The following NRG1 variants were observed in gnomAD, a reference collection of about 807,000 sequenced individuals.
The protein encoded by NRG1 is neuregulin 1, also known as pro-neuregulin-1, membrane-bound isoform.
A neutral mutation model predicts 63.8 loss-of-function variants in NRG1; 18 were observed. The observed-to-expected ratio is 0.28, with a 90% confidence interval of 0.19 to 0.42. NRG1 has a LOEUF of 0.42. NRG1 is among the 10% of genes least tolerant of loss of function. The pLI is 1.00. For missense variants in NRG1, 762 were observed against 814.7 expected (o/e 0.94, Z 0.79); for synonymous variants, 302 against 301.3 (o/e 1.00, Z -0.02).
At chr8:31,814,865 CCATACAAATGGTGCCCCCCT>C (rs1314093220) in intron 1 of NRG1, among the ~76,000 whole-genome samples, 1 of 151,860 alleles carries the variant, frequency 6.6e-6, no homozygotes. Flanking sequence ...TGTTCTGCTC[CCATACAAATGGTGCCCCCCT>C]GCAAGCCTCT....
intron 1 of NRG1, among the ~76,000 whole-genome samples, chr8:32,316,775 G>A (rs1046015131): frequency 6.6e-6 from 1 of 151,294 alleles, no homozygotes; most frequent in African/African-American, 2.4e-5. Context: ...AGACACATTA[G>A]GGTATGTTCT....
intron 1 of NRG1, among the ~76,000 whole-genome samples, chr8:32,368,062 T>C (rs1007139712): frequency 1.3e-5 from 2 of 152,216 alleles, no homozygotes; most frequent in African/African-American, 4.8e-5. Context: ...CATGCTGTTT[T>C]AGTTAGTATA....
In NRG1 at chr8:31,640,875, A is replaced by C; in HGVS notation, c.37+1444A>C. 3 of 1,369,714 alleles carry C rather than the reference A, an allele frequency of 2.2e-6. No individual in the cohort carries two copies. Among genetic ancestry groups the C allele is most frequent in the Non-Finnish European group, 2.8e-6 (3 of 1,063,942 alleles). The allele number at this position is 1,369,714 out of a possible 1,614,324, so 84.8% of individuals were successfully genotyped here. A position where few individuals can be genotyped will look rare whatever the true frequency, so the allele number is the denominator to read the frequency against. On this transcript the variant is annotated intron_variant, in intron 1 of 10. Coordinates refer to the NRG1 transcript ENST00000519301. This position sits in a 1 kb window ranked among gnomAD's most constrained non-coding sequence, Gnocchi z 6.3. ...GTTTCAGGGTGGTGGGTTCTCAGCG[A>C]TCCTCAGAGAGGGAGGTTTCGCTTT...
intron 1 of NRG1, among the ~76,000 whole-genome samples, chr8:31,931,480 T>G (rs2129619955): frequency 6.6e-6 from 1 of 152,260 alleles, no homozygotes; most frequent in Non-Finnish European, 1.5e-5. Flanking sequence ...CTATAAAATT[T>G]TTGTGATCAT....
At chr8:32,202,248 GT>G (rs1377156384) in intron 1 of NRG1, among the ~76,000 whole-genome samples, 1 of 152,140 alleles carries the variant, frequency 6.6e-6, no homozygotes, top group Non-Finnish European at 1.5e-5. Context: ...ACTTTAAAAT[GT>G]TTTTTTCTTA....
intron 1 of NRG1, among the ~76,000 whole-genome samples, chr8:31,708,069 A>G (rs568384069): frequency 6.6e-6 from 1 of 152,214 alleles, no homozygotes; most frequent in Non-Finnish European, 1.5e-5. Context: ...ACGTTAATGA[A>G]GTATCCATCT....
intron 1 of NRG1, among the ~76,000 whole-genome samples, chr8:32,112,866 G>A (rs1338059913): frequency 6.6e-6 from 1 of 152,058 alleles, no homozygotes. Context: ...CCTTTTTTCT[G>A]AAATCCACAG....
At chr8:31,944,083 G>T (rs327357) in intron 1 of NRG1, among the ~76,000 whole-genome samples, 128,341 of 152,186 alleles carry the variant, frequency 0.84, 54,921 homozygotes, top group Non-Finnish European at 0.91. Flanking sequence ...TGTATGATTA[G>T]CACTACATAG....
rs990304844 is a variant in NRG1, at chr8:32,742,223, C to A, written c.633-452C>A. 1.5e-5 allele frequency: 10 copies of A among 675,606 alleles called. No individual in the cohort carries two copies. The highest frequency in any genetic ancestry group is 1.3e-4 in the Admixed American group (5 of 39,806). The allele number at this position is 675,606 out of a possible 1,614,324, so 41.9% of individuals were successfully genotyped here. The stretch of plus-strand genomic sequence containing the variant: ...AAGGCATAAACCCATTCAGTGTTAC[C>A]TTATTTAACTGTCTCTCAAAGTGGG... On this transcript the variant is annotated intron_variant, in intron 6 of 11. Coordinates refer to ENST00000356819, the Ensembl canonical transcript of NRG1. The surrounding 1 kb of genome is among the most constrained non-coding windows in gnomAD (Gnocchi z 4.2).
rs191213724 is a variant in NRG1 at position 31,827,061 on chromosome 8, G to C, written c.37+187630G>C. Among the ~76,000 whole-genome samples, 437 of 152,222 alleles carry C rather than the reference G, an allele frequency of 2.9e-3. 9 individuals are homozygous for C. The highest frequency in any genetic ancestry group is 0.024 in the Admixed American group (370 of 15,296). On this transcript the variant is annotated intron_variant, in intron 1 of 10. Transcript: ENST00000519301. ...GGGCCCATGAAAGTCCTTGGCTTGTGGGTTTGCTGGCTCTTTGCTAGAATT... is the reference window on the plus strand; with the variant it reads ...GGGCCCATGAAAGTCCTTGGCTTGTCGGTTTGCTGGCTCTTTGCTAGAATT...
In NRG1 at chr8:32,628,029, A is replaced by C. The variant is rs75762186; in HGVS notation, c.502+11144A>C. On this transcript the variant is annotated intron_variant, in intron 5 of 11. Transcript: ENST00000356819. ...TCTACGTATTGAATCAGCCTATAAAAATCCATTTCTTTCACAAATAATGTA... is the reference window on the plus strand; with the variant it reads ...TCTACGTATTGAATCAGCCTATAAACATCCATTTCTTTCACAAATAATGTA... Among the ~76,000 whole-genome samples, 625 of 152,334 alleles carry C rather than the reference A, an allele frequency of 4.1e-3. 5 individuals carry two copies. Among genetic ancestry groups the C allele is most frequent in the African/African-American group, 0.013 (555 of 41,562 alleles).
At chr8:32,593,405 A>G (rs923077531) in intron 1 of NRG1, among the ~76,000 whole-genome samples, 22 of 151,956 alleles carry the variant, frequency 1.4e-4, no homozygotes, top group African/African-American at 4.8e-4. Context: ...TGTAATCCCA[A>G]CATTCTGGGA....
intron 1 of NRG1, among the ~76,000 whole-genome samples, chr8:31,803,818 G>A (rs909260817): frequency 4.6e-5 from 7 of 152,050 alleles, no homozygotes; most frequent in Admixed American, 2.6e-4. Flanking sequence ...ATCTACCTCT[G>A]ACCCTTGTGT....
intron 1 of NRG1, among the ~76,000 whole-genome samples, chr8:31,807,948 CGTGTGTGTGT>C (rs71208141): frequency 7.3e-6 from 1 of 137,068 alleles, no homozygotes; most frequent in African/African-American, 2.5e-5. Flanking sequence ...AGAGTATTCG[CGTGTGTGTGT>C]GTGTGTGTGT....
chr8:32,213,042 C>A (rs1209342187), intron 1 of NRG1, among the ~76,000 whole-genome samples: 2 of 152,116 alleles, frequency 1.3e-5, no homozygotes, highest in African/African-American at 4.8e-5. Flanking sequence ...CAAAGTCTAC[C>A]TTACTATTTC....
At chr8:32,505,537 C>T (rs573985991) in intron 1 of NRG1, among the ~76,000 whole-genome samples, 97 of 152,292 alleles carry the variant, frequency 6.4e-4, no homozygotes, top group South Asian at 1.2e-3. Flanking sequence ...ATGGTTTAAC[C>T]GGGGACCAAG....
chr8:32,138,492 T>C lies in NRG1; in HGVS notation c.38-457336T>C, dbSNP rs555417925. ...AGCTGGAAATGGTAACCAGGACACA[T>C]TGGTATGCACAATTCTGCTGGCTCA... On this transcript the variant is annotated intron_variant, in intron 1 of 10. Transcript: ENST00000519301. Among the ~76,000 whole-genome samples the C allele has an allele frequency of 2.3e-3, 342 of 151,940 alleles. 2 individuals are homozygous for C. The highest frequency in any genetic ancestry group is 7.9e-3 in the African/African-American group (329 of 41,472).
chr8:31,989,099 A>C (rs1002655044), intron 1 of NRG1, among the ~76,000 whole-genome samples: 2 of 151,478 alleles, frequency 1.3e-5, no homozygotes, highest in African/African-American at 4.9e-5. Context: ...AAATACAAAA[A>C]TTAGCTGGAC....
chr8:32,626,721 A>C (rs562957195), intron 5 of NRG1, among the ~76,000 whole-genome samples: 2 of 151,882 alleles, frequency 1.3e-5, no homozygotes, highest in South Asian at 2.1e-4. Flanking sequence ...GTGGTTATGT[A>C]ATTTAAAAGA....
Sources: allele counts gnomAD v4.1 joint callset (sites outside exome capture counted in the v4.1 genomes callset), GRCh38; gene constraint gnomAD v4.1.1; non-coding constraint Gnocchi (gnomAD v3.1); transcripts MANE v1.5; gene names NCBI Gene and HGNC (gene_info 2026-07-23, HGNC 2026-07-21).